The following MTHFD1L variants were observed in gnomAD, a reference collection of about 807,000 sequenced individuals.
The protein encoded by MTHFD1L is methylenetetrahydrofolate dehydrogenase (NADP+ dependent) 1 like, also known as monofunctional C1-tetrahydrofolate synthase, mitochondrial.
A neutral mutation model predicts 119.5 loss-of-function variants in MTHFD1L; 81 were observed. The observed-to-expected ratio is 0.68, with a 90% CI of 0.57 to 0.82. The LOEUF (loss-of-function observed/expected upper bound fraction) is 0.82. Among genes scored for constraint, MTHFD1L ranks in the 40% least tolerant of loss-of-function variants. The pLI, the probability that MTHFD1L is intolerant of heterozygous loss-of-function variation, is 0.00. For missense variants in MTHFD1L, 1,125 were observed against 1,253.4 expected (o/e 0.90, Z 1.55); for synonymous variants, 430 against 475.2 (o/e 0.90, Z 1.24).
At chr6:151,084,667 G>A (rs1049534270) in intron 26 of MTHFD1L, among the ~76,000 whole-genome samples, 9 of 152,186 alleles carry the variant, frequency 5.9e-5, no homozygotes, top group Non-Finnish European at 1.2e-4. Context: ...TATAACTATA[G>A]AAATATATAT....
chr6:151,016,790 TGAGACA>T, intron 24 of MTHFD1L: 1 of 265,748 alleles, frequency 3.8e-6, no homozygotes. Context: ...TTTTTTTTTT[TGAGACA>T]GAGCCTTGCT....
At chr6:151,024,724 G>C (rs1229418349) in intron 24 of MTHFD1L, among the ~76,000 whole-genome samples, 1 of 152,190 alleles carries the variant, frequency 6.6e-6, no homozygotes, top group Admixed American at 6.5e-5. Context: ...AGCTACTCTG[G>C]AGGCTAAGGC....
At chr6:151,087,241 G>A (rs1010656545) in intron 26 of MTHFD1L, among the ~76,000 whole-genome samples, 7 of 146,468 alleles carry the variant, frequency 4.8e-5, no homozygotes, top group Non-Finnish European at 8.9e-5. Context: ...AGAGCCAGAG[G>A]CCATCTCAAA....
At chr6:151,026,396 T>C (rs1383902621) in intron 24 of MTHFD1L, among the ~76,000 whole-genome samples, 1 of 152,222 alleles carries the variant, frequency 6.6e-6, no homozygotes, top group East Asian at 1.9e-4. Context: ...GTGGCTAAGA[T>C]TGACAGTTCA....
At chr6:150,916,316 T>TTTC (rs1787861079) in intron 8 of MTHFD1L, among the ~76,000 whole-genome samples, 1 of 142,758 alleles carries the variant, frequency 7.0e-6, no homozygotes, top group Non-Finnish European at 1.5e-5. Context: ...TTTTTTTTTT[T>TTTC]TTTCAGATAG....
At chr6:151,042,830 A>G (rs1340516936) in intron 26 of MTHFD1L, among the ~76,000 whole-genome samples, 1 of 152,200 alleles carries the variant, frequency 6.6e-6, no homozygotes, top group Non-Finnish European at 1.5e-5. Flanking sequence ...CTTTTTCCAT[A>G]TAGATCAAAT....
chr6:151,069,278 T>TCTCC lies in MTHFD1L; in HGVS notation c.2848-23181_2848-23178dup, dbSNP rs1554297623. On this transcript the variant is annotated intron_variant, in intron 26 of 27. Coordinates refer to ENST00000367321, the MANE Select transcript of MTHFD1L (RefSeq NM_015440.5). ...CTCTCTCTCTCTCTCTCTCTCTCTCTCTCCCTCCCTCTCTCTGTCATAGGG... is the reference window on the plus strand; with the variant it reads ...CTCTCTCTCTCTCTCTCTCTCTCTCTCTCCCTCCCTCCCTCTCTCTGTCATAGGG... Among the ~76,000 whole-genome samples the TCTCC allele has an allele frequency of 7.2e-4, 108 of 151,028 alleles. 1 individual carries two copies. The highest frequency in any genetic ancestry group is 2.5e-3 in the African/African-American group (102 of 40,998).
chr6:151,049,472 A>G (rs1413136957), intron 26 of MTHFD1L, among the ~76,000 whole-genome samples: 1 of 148,200 alleles, frequency 6.7e-6, no homozygotes, highest in Non-Finnish European at 1.5e-5. Flanking sequence ...AGCCTGGGCA[A>G]GACAGCGAGA....
intron 11 of MTHFD1L, among the ~76,000 whole-genome samples, chr6:150,933,338 C>A (rs1215679823): frequency 1.3e-5 from 2 of 152,044 alleles, no homozygotes; most frequent in Non-Finnish European, 2.9e-5. Flanking sequence ...TAAATGACAC[C>A]ATATTTGATG....
chr6:150,936,952 A>T lies in MTHFD1L; in HGVS notation c.1393+12A>T. ...GTTTGGAGTGAAAGGTACTGTCTTTAACAACTAGTGTACTTTTCAGGGCAA... is the reference window on the plus strand; with the variant it reads ...GTTTGGAGTGAAAGGTACTGTCTTTTACAACTAGTGTACTTTTCAGGGCAA... On this transcript the variant is annotated intron_variant, in intron 12 of 27. Transcript: ENST00000367321. 6.2e-7 allele frequency: 1 copy of T among 1,612,786 alleles called. No individual in the cohort carries two copies. The highest frequency in any genetic ancestry group is 1.7e-4 in the Middle Eastern group (1 of 6,056).
chr6:151,017,580 T>G (rs1360417908), intron 24 of MTHFD1L, among the ~76,000 whole-genome samples: 2 of 151,948 alleles, frequency 1.3e-5, no homozygotes, highest in Non-Finnish European at 2.9e-5. Context: ...CTCCTGACCT[T>G]GTGATCCACC....
At chr6:150,995,165 T>C (rs1779652187) in intron 20 of MTHFD1L, among the ~76,000 whole-genome samples, 2 of 150,476 alleles carry the variant, frequency 1.3e-5, no homozygotes, top group Non-Finnish European at 3.0e-5. Context: ...GGGGGAGGGG[T>C]GGGGAGATGG....
chr6:150,882,928 C>T (rs778567758), intron 5 of MTHFD1L, 42 bp downstream of exon 5: 6 of 1,512,538 alleles, frequency 4.0e-6, no homozygotes, highest in Non-Finnish European at 4.4e-6. Context: ...ATGGCTAAAT[C>T]ACTTTTTCTA....
intron 20 of MTHFD1L, among the ~76,000 whole-genome samples, chr6:150,999,318 TA>T (rs1290814599): frequency 6.6e-6 from 1 of 152,208 alleles, no homozygotes; most frequent in African/African-American, 2.4e-5. Flanking sequence ...TAAATCATGT[TA>T]ATGGCCAAGC....
At chr6:151,059,519 T>A (rs935452365) in intron 26 of MTHFD1L, among the ~76,000 whole-genome samples, 7 of 152,130 alleles carry the variant, frequency 4.6e-5, no homozygotes, top group African/African-American at 7.2e-5. Flanking sequence ...AATTTGAAAA[T>A]GTTCTTTTTT....
chr6:151,022,850 C>T (rs781367066), intron 24 of MTHFD1L, among the ~76,000 whole-genome samples: 5 of 152,098 alleles, frequency 3.3e-5, no homozygotes, highest in Non-Finnish European at 7.4e-5. Flanking sequence ...TTCCCCCATG[C>T]TCTTTAATAT....
At chr6:150,959,157 G>A (rs1796076507) in intron 17 of MTHFD1L, 1 of 979,180 alleles carries the variant, frequency 1.0e-6, no homozygotes, top group African/African-American at 1.8e-5. Context: ...TGACTTTCAG[G>A]TAATATTTTT....
At chr6:151,028,169 G>A (rs901789178) in intron 24 of MTHFD1L, among the ~76,000 whole-genome samples, 1 of 152,240 alleles carries the variant, frequency 6.6e-6, no homozygotes, top group South Asian at 2.1e-4. Context: ...TCACAGTACC[G>A]TCATGTGTGG....
At chr6:151,046,499 A>G (rs1247351778) in intron 26 of MTHFD1L, among the ~76,000 whole-genome samples, 25 of 133,302 alleles carry the variant, frequency 1.9e-4, no homozygotes, top group Non-Finnish European at 3.6e-4. Context: ...ATATATATAT[A>G]TATATATATA....
Sources: gnomAD v4.1 joint callset for allele counts (sites outside exome capture counted in the v4.1 genomes callset) on GRCh38, gnomAD v4.1.1 for gene constraint, MANE v1.5 for transcripts, NCBI Gene and HGNC (gene_info 2026-07-23, HGNC 2026-07-21) for gene names.